Variants in LOXL3 observed in about 807,000 individuals in gnomAD.
LOXL3 encodes the protein lysyl oxidase like 3, also known as lysyl oxidase homolog 3.
LOXL3 carries 60 observed loss-of-function variants against 91.8 expected under a neutral mutation model. The observed-to-expected ratio is 0.65, with a 90% confidence interval of 0.53 to 0.81. LOXL3 has a LOEUF of 0.81. LOXL3 is among the 30% of genes least tolerant of loss of function. The pLI, the probability that LOXL3 is intolerant of heterozygous loss-of-function variation, is 0.00. For missense variants in LOXL3, 874 were observed against 1,000.4 expected, an observed-to-expected ratio of 0.87 and a Z score of 1.70; for synonymous variants, 355 against 387.6, an observed-to-expected ratio of 0.92 and a Z score of 0.99.
rs1676038784 is a variant in LOXL3 at position 74,536,624 on chromosome 2, G to T, written c.912+85C>A. ...TGGAAGGCTCCTCTCTGTCCTCAAA[G>T]GTCAGGGCTGTGCTTAGTCTGGGGT... On this transcript the variant is annotated intron_variant, in intron 5 of 13. Transcript: ENST00000264094. The surrounding 1 kb of genome is among the most constrained non-coding windows in gnomAD (Gnocchi z 4.5). 1.3e-6 allele frequency: 2 copies of T among 1,509,154 alleles called. No homozygotes were observed. Among genetic ancestry groups the T allele is most frequent in the Non-Finnish European group, 1.8e-6 (2 of 1,097,264 alleles). 93.5% of individuals were successfully genotyped at this position (1,509,154 alleles called of 1,614,324 possible). A position where few individuals can be genotyped will look rare whatever the true frequency, so the allele number is the denominator to read the frequency against.
chr2:74,538,974 G>C (rs1435833122), intron 4 of LOXL3, among the ~76,000 whole-genome samples: 3 of 152,224 alleles, frequency 2.0e-5, no homozygotes, highest in Non-Finnish European at 4.4e-5. Context: ...CCTGGAAGGT[G>C]ATTTCTAAGA....
upstream of LOXL3, chr2:74,555,117 C>A: frequency 1.3e-6 from 2 of 1,581,174 alleles, no homozygotes; most frequent in Non-Finnish European, 1.7e-6. The surrounding 1 kb of genome is among the most constrained non-coding windows in gnomAD (Gnocchi z 6.1). Flanking sequence ...CGCCTGCGCA[C>A]GCCACTCCCT....
At chr2:74,552,701 G>C (rs934324725) in intron 1 of LOXL3, 55 bp from the exon 2 acceptor site, 26 of 1,392,792 alleles carry the variant, frequency 1.9e-5, no homozygotes, top group Non-Finnish European at 2.4e-5. Context: ...GTGGGGCCCA[G>C]AGTCAGAAAG....
chr2:74,549,254 C>T lies in LOXL3; in HGVS notation c.692+115G>A. ...GCAACGGCCTCCATATTTTCCCGCGCGTCCCGACCCCCGGGTCCTCCCGTG... is the reference window on the plus strand; with the variant it reads ...GCAACGGCCTCCATATTTTCCCGCGTGTCCCGACCCCCGGGTCCTCCCGTG... On this transcript the variant is annotated intron_variant, in intron 4 of 13. Transcript: ENST00000264094. This position sits in a 1 kb window ranked among gnomAD's most constrained non-coding sequence, Gnocchi z 5.3. 1 of 1,209,362 alleles carries T rather than the reference C, an allele frequency of 8.3e-7. No individual in the cohort carries two copies. Among genetic ancestry groups the T allele is most frequent in the Non-Finnish European group, 1.1e-6 (1 of 903,044 alleles). The allele number at this position is 1,209,362 out of a possible 1,614,324, so 74.9% of individuals were successfully genotyped here.
intron 4 of LOXL3, among the ~76,000 whole-genome samples, chr2:74,542,019 G>T (rs1676350244): frequency 6.6e-6 from 1 of 151,630 alleles, no homozygotes; most frequent in African/African-American, 2.4e-5. Flanking sequence ...TAGGCCAGGG[G>T]CAGCGGCTTA....
intron 2 of LOXL3, among the ~76,000 whole-genome samples, chr2:74,551,188 C>T (rs1422177222): frequency 1.3e-5 from 2 of 152,262 alleles, no homozygotes; most frequent in Admixed American, 1.3e-4. Context: ...CCCACCTCAG[C>T]CTCCCAAAGT....
At chr2:74,542,548 T>A (rs1345384145) in intron 4 of LOXL3, among the ~76,000 whole-genome samples, 1 of 151,476 alleles carries the variant, frequency 6.6e-6, no homozygotes, top group African/African-American at 2.4e-5. Flanking sequence ...ACACACCCTC[T>A]ACTTATCTCT....
rs1016550488 is a variant in LOXL3, at chr2:74,533,250, C to T, written c.*356G>A. 1.3e-5 allele frequency: 7 copies of T among 554,216 alleles called. No individual in the cohort carries two copies. The highest frequency in any genetic ancestry group is 2.2e-5 in the Non-Finnish European group (7 of 311,672). 34.3% of individuals were successfully genotyped at this position (554,216 alleles called of 1,614,324 possible). ...AAAAGGCTAGAGGTAAAGCTGTATC[C>T]CCCTAAACTTAGGGGAGATACTGGA... On this transcript the variant is annotated 3_prime_UTR_variant, in exon 14 of 14. Coordinates refer to ENST00000264094, the MANE Select transcript of LOXL3 (RefSeq NM_032603.5).
chr2:74,555,345 C>A (rs776401704), upstream of LOXL3: 2 of 1,613,770 alleles, frequency 1.2e-6, no homozygotes, highest in African/African-American at 2.7e-5. This position sits in a 1 kb window ranked among gnomAD's most constrained non-coding sequence, Gnocchi z 6.1. Flanking sequence ...CCCCTGAGCC[C>A]GGCGCCACTG....
chr2:74,554,601 C>T (rs1274335924), upstream of LOXL3: 1 of 690,418 alleles, frequency 1.4e-6, no homozygotes, highest in Non-Finnish European at 2.4e-6. This position sits in a 1 kb window ranked among gnomAD's most constrained non-coding sequence, Gnocchi z 4.9. Context: ...TCCACCATTC[C>T]TTCTCGCTCC....
intron 4 of LOXL3, among the ~76,000 whole-genome samples, chr2:74,540,093 C>T (rs1179314360): frequency 6.6e-6 from 1 of 152,278 alleles, no homozygotes; most frequent in African/African-American, 2.4e-5. Context: ...GTGATCCACC[C>T]GTCTTGGCCT....
In LOXL3 at chr2:74,535,563, C is replaced by G. The variant is rs200611886; in HGVS notation, c.1416+25G>C. 4 of 1,613,180 alleles carry G rather than the reference C, an allele frequency of 2.5e-6. No homozygotes were observed. The highest frequency in any genetic ancestry group is 3.4e-6 in the Non-Finnish European group (4 of 1,179,960). ...AACACAGGCTTTGAGACAACAGCCT[C>G]GGCTCCCCTTTCCTTCCCACTCACC... On this transcript the variant is annotated intron_variant, in intron 8 of 13. Coordinates refer to ENST00000264094, the MANE Select transcript of LOXL3 (RefSeq NM_032603.5). This position sits in a 1 kb window ranked among gnomAD's most constrained non-coding sequence, Gnocchi z 4.2.
At position 74,549,467 on chromosome 2, in the gene LOXL3, C is replaced by G. The variant is rs781045766; in HGVS notation, c.594G>C (p.Ser198=). 4.0e-5 allele frequency: 64 copies of G among 1,612,986 alleles called. No homozygotes were observed. The South Asian group carries it at 6.8e-4, about 17-fold the overall frequency. ...CGCTCCAGCCTTTGTCGCACACTTG[C>G]GACCAGCCGTCAGGAAGCCTGACTT... ...LVEVRLPDGW[S]QVCDKGWSAH... Residue 198 remains serine (S), a synonymous_variant, in exon 4 of 14, where the codon TCG becomes TCC. Transcript: ENST00000264094. This position sits in a 1 kb window ranked among gnomAD's most constrained non-coding sequence, Gnocchi z 5.3.
upstream of LOXL3, chr2:74,554,415 A>T (rs1677240293): frequency 6.1e-6 from 2 of 328,892 alleles, no homozygotes; most frequent in South Asian, 4.0e-5. The surrounding 1 kb of genome is among the most constrained non-coding windows in gnomAD (Gnocchi z 4.9). Flanking sequence ...TTTCGGGGTG[A>T]TGTCATGGCT....
chr2:74,535,235 A>G lies in LOXL3; in HGVS notation c.1579+57T>C, dbSNP rs1675939477. The G allele has an allele frequency of 6.4e-7, 1 of 1,554,874 alleles. No homozygotes were observed. Among genetic ancestry groups the G allele is most frequent in the East Asian group, 2.3e-5 (1 of 44,222 alleles). On this transcript the variant is annotated intron_variant, in intron 9 of 13. Coordinates refer to ENST00000264094, the MANE Select transcript of LOXL3 (RefSeq NM_032603.5). The surrounding 1 kb of genome is among the most constrained non-coding windows in gnomAD (Gnocchi z 4.2). ...CCAGATTACAGCCCCCTTTCCCTGC[A>G]AACGGGTGGCCCAGACACTCCCTTC...
At position 74,536,581 on chromosome 2, in the gene LOXL3, G is replaced by T; in HGVS notation, c.913-110C>A. ...TGGTGGAAGGGAGTGGGTGGTATCA[G>T]GTCTGTGGCCCACCCCCTGGAAGGC... is the stretch of plus-strand genomic sequence containing the variant. On this transcript the variant is annotated intron_variant, in intron 5 of 13. Transcript: ENST00000264094. This position sits in a 1 kb window ranked among gnomAD's most constrained non-coding sequence, Gnocchi z 4.5. The T allele has an allele frequency of 7.0e-7, 1 of 1,436,234 alleles. No homozygotes were observed. Among genetic ancestry groups the T allele is most frequent in the Non-Finnish European group, 9.6e-7 (1 of 1,046,270 alleles). 89.0% of individuals were successfully genotyped at this position (1,436,234 alleles called of 1,614,324 possible). A position where few individuals can be genotyped will look rare whatever the true frequency, so the allele number is the denominator to read the frequency against.
chr2:74,549,690 G>A lies in LOXL3; in HGVS notation c.478-107C>T. 1 of 1,456,908 alleles carries A rather than the reference G, an allele frequency of 6.9e-7. No homozygotes were observed. Among genetic ancestry groups the A allele is most frequent in the Non-Finnish European group, 9.1e-7 (1 of 1,099,742 alleles). 90.2% of individuals were successfully genotyped at this position (1,456,908 alleles called of 1,614,324 possible). ...TGTGCCTGCTGTAAACCCAGTGGCG[G>A]GATGGGCCCGAGGCGGCGCTGAGAG... On this transcript the variant is annotated intron_variant, in intron 3 of 13. Transcript: ENST00000264094. This position sits in a 1 kb window ranked among gnomAD's most constrained non-coding sequence, Gnocchi z 5.3.
At chr2:74,543,615 C>T in intron 4 of LOXL3, among the ~76,000 whole-genome samples, 1 of 151,886 alleles carries the variant, frequency 6.6e-6, no homozygotes, top group East Asian at 1.9e-4. Flanking sequence ...CGTGGTGGCT[C>T]ATAGCTGTAA....
chr2:74,553,726 ACT>A (rs1488274560), intron 1 of LOXL3, 148 bp downstream of exon 1: 1 of 151,998 alleles, frequency 6.6e-6, no homozygotes, highest in East Asian at 1.9e-4. Flanking sequence ...TCCTCCGTGT[ACT>A]CTGTCTCACT....
Sources: allele counts gnomAD v4.1 joint callset (sites outside exome capture counted in the v4.1 genomes callset), GRCh38; gene constraint gnomAD v4.1.1; non-coding constraint Gnocchi (gnomAD v3.1); transcripts MANE v1.5; gene names NCBI Gene and HGNC (gene_info 2026-07-23, HGNC 2026-07-21).